Variants in PRTG observed in about 807,000 individuals in gnomAD.
The protein encoded by PRTG is immunoglobulin superfamily, DCC subclass, member 5.
In PRTG, 67 loss-of-function variants were observed where a neutral mutation model predicts 122.5. That is an observed-to-expected ratio of 0.55 (90% CI 0.45 to 0.67). PRTG has a LOEUF of 0.67. PRTG is among the 30% of genes least tolerant of loss of function. PRTG has a pLI of 0.00. For missense variants in PRTG, 1,435 were observed against 1,415.4 expected (o/e 1.01, Z -0.22); for synonymous variants, 554 against 501.1 (o/e 1.11, Z -1.41).
Position 55,742,939 on chromosome 15 carries a change from A to G in PRTG, c.-8T>C. On this transcript the variant is annotated 5_prime_UTR_variant, in exon 1 of 20. Transcript: ENST00000389286. ...TCGCAGAGGAGGCGCCATTCAGCGT[A>G]GCCGCGCGGGCATGCTCCCCGGCCG... 3 of 1,513,222 alleles carry G rather than the reference A, an allele frequency of 2.0e-6. No individual in the cohort carries two copies. Among genetic ancestry groups the G allele is most frequent in the Non-Finnish European group, 2.7e-6 (3 of 1,130,394 alleles). 93.7% of individuals were successfully genotyped at this position (1,513,222 alleles called of 1,614,324 possible).
rs1310270846 is a variant in PRTG at position 55,616,779 on chromosome 15, T to C, written c.*3233A>G. On this transcript the variant is annotated 3_prime_UTR_variant, in exon 20 of 20. Coordinates refer to ENST00000389286, the MANE Select transcript of PRTG (RefSeq NM_173814.6). ...AAAACACTGATAAATACCAATATAATTGTATTGCTTTTAATTATGTAAACT... is the reference window on the plus strand; with the variant it reads ...AAAACACTGATAAATACCAATATAACTGTATTGCTTTTAATTATGTAAACT... The C allele has an allele frequency of 2.6e-5, 4 of 152,158 alleles. No individual in the cohort carries two copies. Among genetic ancestry groups the C allele is most frequent in the African/African-American group, 9.6e-5 (4 of 41,458 alleles). 9.4% of individuals were successfully genotyped at this position (152,158 alleles called of 1,614,324 possible). A position where few individuals can be genotyped will look rare whatever the true frequency, so the allele number is the denominator to read the frequency against.
At position 55,707,069 on chromosome 15, in the gene PRTG, G is replaced by A. The variant is rs535077479; in HGVS notation, c.398-23138C>T. ...ACTCTAAGTATTTGGGTAGTATTCC[G>A]AAGGCAGTGGGGAGCCATTGAAATA... On this transcript the variant is annotated intron_variant, in intron 2 of 19. Transcript: ENST00000389286. Among the ~76,000 whole-genome samples, 14 of 152,282 alleles carry A rather than the reference G, an allele frequency of 9.2e-5. No individual in the cohort carries two copies. In the East Asian group the frequency reaches 2.7e-3, roughly 29 times the overall value.
rs764587794 is a variant in PRTG, at chr15:55,690,684, G to A, written c.398-6753C>T. On this transcript the variant is annotated intron_variant, in intron 2 of 19. Coordinates refer to ENST00000389286, the MANE Select transcript of PRTG (RefSeq NM_173814.6). The stretch of plus-strand genomic sequence containing the variant: ...AAATGTGAAATCTGAAACACTTCTC[G>A]TTCCAAGCATTTCAGATAAGGAATA... Among the ~76,000 whole-genome samples, 6 of 152,234 alleles carry A rather than the reference G, an allele frequency of 3.9e-5. No individual in the cohort carries two copies. In the Middle Eastern group the frequency reaches 0.01, roughly 259 times the overall value.
intron 2 of PRTG, chr15:55,738,649 T>G: frequency 1.7e-6 from 1 of 602,204 alleles, no homozygotes; most frequent in Non-Finnish European, 2.9e-6. Flanking sequence ...CACACTATCT[T>G]TAAAACAGTA....
intron 2 of PRTG, among the ~76,000 whole-genome samples, chr15:55,698,248 T>A (rs540190524): frequency 6.6e-6 from 1 of 152,320 alleles, no homozygotes; most frequent in African/African-American, 2.4e-5. Flanking sequence ...CAAGCTAATA[T>A]CCAATCAGGG....
At chr15:55,658,580 C>T (rs1172489957) in intron 11 of PRTG, among the ~76,000 whole-genome samples, 2 of 152,120 alleles carry the variant, frequency 1.3e-5, no homozygotes, top group Non-Finnish European at 2.9e-5. Flanking sequence ...CTTCCCAAAG[C>T]ACTGGGATTA....
intron 2 of PRTG, among the ~76,000 whole-genome samples, chr15:55,699,273 C>CT (rs879261346): frequency 7.2e-5 from 11 of 151,878 alleles, no homozygotes; most frequent in Non-Finnish European, 1.0e-4. Flanking sequence ...CTGTTAATGG[C>CT]TTTTTTTTGG....
Position 55,620,750 on chromosome 15 carries a change from T to A in PRTG, c.3111A>T (p.Ile1037=), listed in dbSNP as rs780868091. The change falls in exon 19 of 20, where the codon ATA becomes ATT. Residue 1037 remains isoleucine, a synonymous_variant. Coordinates refer to ENST00000389286, the MANE Select transcript of PRTG (RefSeq NM_173814.6). ...FIDAKGGTDL[I]INSYGPIIKN... ...TAATTATAGGACCATAGCTATTAAT[T>A]ATCAGGTCAGTTCCTCCCTGAGGAA... is the stretch of plus-strand genomic sequence containing the variant. The A allele has an allele frequency of 2.8e-5, 44 of 1,594,498 alleles. No individual in the cohort carries two copies. The highest frequency in any genetic ancestry group is 5.1e-6 in the Non-Finnish European group (6 of 1,175,214).
intron 2 of PRTG, among the ~76,000 whole-genome samples, chr15:55,730,795 C>CT (rs1491051196): frequency 1.3e-5 from 2 of 150,350 alleles, no homozygotes; most frequent in African/African-American, 5.0e-5. Flanking sequence ...GAGCAAGACT[C>CT]TGTCTCAAAA....
In PRTG at chr15:55,616,998, G is replaced by C. The variant is rs2141702011; in HGVS notation, c.*3014C>G. ...TGACATGCAGGTATCAGTACTTACA[G>C]CAAATACATCTTTGGAAAAGAAAAT... On this transcript the variant is annotated 3_prime_UTR_variant, in exon 20 of 20. Transcript: ENST00000389286. The C allele has an allele frequency of 6.6e-6, 1 of 152,124 alleles. No homozygotes were observed. The highest frequency in any genetic ancestry group is 2.4e-5 in the African/African-American group (1 of 41,522). 9.4% of individuals were successfully genotyped at this position (152,124 alleles called of 1,614,324 possible).
At chr15:55,640,510 G>C (rs1422510584) in intron 12 of PRTG, among the ~76,000 whole-genome samples, 2 of 152,174 alleles carry the variant, frequency 1.3e-5, no homozygotes, top group East Asian at 3.8e-4. Flanking sequence ...CTTAAGACTA[G>C]AACATCCTTC....
chr15:55,647,692 G>A (rs1050810922), intron 11 of PRTG, among the ~76,000 whole-genome samples: 3 of 152,262 alleles, frequency 2.0e-5, no homozygotes, highest in African/African-American at 7.2e-5. Flanking sequence ...AAGGTGCCTG[G>A]GAGAAAAGGT....
intron 10 of PRTG, 98 bp downstream of exon 10, chr15:55,673,273 G>A (rs2059483089): frequency 4.3e-6 from 4 of 940,848 alleles, no homozygotes; most frequent in Non-Finnish European, 6.2e-6. Context: ...ATTTTTATTT[G>A]TAAAACAAAA....
chr15:55,687,096 T>TA (rs778912419), intron 2 of PRTG, among the ~76,000 whole-genome samples: 1 of 151,982 alleles, frequency 6.6e-6, no homozygotes. Context: ...GATTTGGCAC[T>TA]AAAAAAAATA....
intron 11 of PRTG, chr15:55,655,936 T>G (rs1234999461): frequency 1.3e-5 from 2 of 153,188 alleles, no homozygotes; most frequent in Non-Finnish European, 2.9e-5. Flanking sequence ...AAATTAGTTA[T>G]AGACATTTTA....
At chr15:55,679,967 C>A in intron 6 of PRTG, 87 bp downstream of exon 6, 1 of 1,042,540 alleles carries the variant, frequency 9.6e-7, no homozygotes, top group Admixed American at 2.3e-5. Flanking sequence ...TGCTACAAAG[C>A]TCAAGAAAGA....
chr15:55,698,648 G>T (rs2059644747), intron 2 of PRTG, among the ~76,000 whole-genome samples: 1 of 152,138 alleles, frequency 6.6e-6, no homozygotes, highest in Non-Finnish European at 1.5e-5. Context: ...AAGAGCCACA[G>T]GTGTATTTAT....
chr15:55,728,249 T>C (rs1458753720), intron 2 of PRTG, among the ~76,000 whole-genome samples: 2 of 152,188 alleles, frequency 1.3e-5, no homozygotes, highest in African/African-American at 4.8e-5. Flanking sequence ...GGGAATATTA[T>C]ATAGGGAATA....
intron 1 of PRTG, 71 bp from the exon 2 acceptor site, chr15:55,740,755 G>T: frequency 7.8e-7 from 1 of 1,279,138 alleles, no homozygotes; most frequent in Non-Finnish European, 1.1e-6. Context: ...ACACACAACT[G>T]TAAAACACAT....
Sources: allele counts gnomAD v4.1 joint callset (sites outside exome capture counted in the v4.1 genomes callset), GRCh38; gene constraint gnomAD v4.1.1; transcripts MANE v1.5; gene names NCBI Gene and HGNC (gene_info 2026-07-23, HGNC 2026-07-21).